The following EXOC4 variants were observed in gnomAD, a reference collection of about 807,000 sequenced individuals.
EXOC4 encodes SEC8-like 1.
EXOC4 carries 71 observed loss-of-function variants against 107.2 expected under a neutral mutation model. That is an observed-to-expected ratio of 0.66 (90% CI 0.55 to 0.81). The LOEUF is 0.81. EXOC4 is among the 30% of genes least tolerant of loss of function. The pLI is 0.00. For missense variants in EXOC4, 1,108 were observed against 1,189.6 expected (o/e 0.93, Z 1.01); for synonymous variants, 456 against 441.2 (o/e 1.03, Z -0.42).
intron 6 of EXOC4, among the ~76,000 whole-genome samples, chr7:133,366,356 A>T (rs566007165): frequency 6.6e-6 from 1 of 152,298 alleles, no homozygotes; most frequent in East Asian, 1.9e-4. Context: ...CTGGGAGAAT[A>T]AGTAACATTT....
At chr7:133,764,101 G>T (rs1388750355) in intron 10 of EXOC4, among the ~76,000 whole-genome samples, 4 of 152,060 alleles carry the variant, frequency 2.6e-5, no homozygotes, top group African/African-American at 9.7e-5. Flanking sequence ...TGAAGATGAG[G>T]TGAGGAATTA....
At chr7:133,300,229 A>G (rs1304689448) in intron 3 of EXOC4, among the ~76,000 whole-genome samples, 1 of 152,218 alleles carries the variant, frequency 6.6e-6, no homozygotes, top group Non-Finnish European at 1.5e-5. Context: ...AGAAAAAAGT[A>G]TTCTTGCTCC....
At chr7:133,978,682 G>A (rs1257370501) in intron 14 of EXOC4, among the ~76,000 whole-genome samples, 2 of 152,220 alleles carry the variant, frequency 1.3e-5, no homozygotes, top group South Asian at 4.1e-4. Context: ...AAATGCAGCC[G>A]GGGATTTCAC....
At chr7:134,067,630 T>TACACACAC (rs1491203303), downstream of EXOC4, among the ~76,000 whole-genome samples, 209 of 20,234 alleles carry the variant, frequency 0.01, 3 homozygotes, top group South Asian at 0.057. Flanking sequence ...AACTCTTATA[T>TACACACAC]ATATATATAC....
chr7:133,479,039 T>C (rs1799089572), intron 8 of EXOC4: 1 of 152,180 alleles, frequency 6.6e-6, no homozygotes, highest in African/African-American at 2.4e-5. Flanking sequence ...AAGAAAATGA[T>C]GGTGTGCCTG....
chr7:133,469,658 AC>A (rs1342031162), intron 7 of EXOC4, among the ~76,000 whole-genome samples: 1 of 152,210 alleles, frequency 6.6e-6, no homozygotes, highest in East Asian at 1.9e-4. Context: ...TATATTAGAT[AC>A]TATAAAGACA....
intron 11 of EXOC4, among the ~76,000 whole-genome samples, chr7:133,848,425 A>G (rs1798177403): frequency 6.6e-6 from 1 of 152,224 alleles, no homozygotes; most frequent in Non-Finnish European, 1.5e-5. Context: ...CTCAAGGGAC[A>G]TCATATTATG....
At chr7:133,581,081 G>A (rs549729657) in intron 9 of EXOC4, among the ~76,000 whole-genome samples, 5 of 152,286 alleles carry the variant, frequency 3.3e-5, no homozygotes, top group South Asian at 4.2e-4. Flanking sequence ...TACACACTGG[G>A]CCTGTGAAGA....
At chr7:133,571,666 CTT>C (rs1801026528) in intron 9 of EXOC4, among the ~76,000 whole-genome samples, 1 of 142,286 alleles carries the variant, frequency 7.0e-6, no homozygotes, top group Non-Finnish European at 1.5e-5. Context: ...CAGAGTGAGA[CTT>C]TGCCTCAAAG....
chr7:133,358,098 G>C (rs1267534800), intron 6 of EXOC4, among the ~76,000 whole-genome samples: 1 of 152,162 alleles, frequency 6.6e-6, no homozygotes, highest in East Asian at 1.9e-4. Flanking sequence ...TGAGGCACAA[G>C]AATTGCTTGA....
chr7:133,635,583 A>G (rs1802688382), intron 10 of EXOC4, among the ~76,000 whole-genome samples: 1 of 152,194 alleles, frequency 6.6e-6, no homozygotes, highest in African/African-American at 2.4e-5. Context: ...GTATATTGGT[A>G]GGAGCATTGC....
At chr7:133,741,585 G>A (rs1795566043) in intron 10 of EXOC4, among the ~76,000 whole-genome samples, 1 of 152,100 alleles carries the variant, frequency 6.6e-6, no homozygotes, top group Non-Finnish European at 1.5e-5. Context: ...GACATAGTTG[G>A]CACTCAGAAA....
chr7:133,301,644 A>G (rs1794643360), intron 3 of EXOC4, among the ~76,000 whole-genome samples: 1 of 152,198 alleles, frequency 6.6e-6, no homozygotes, highest in South Asian at 2.1e-4. Context: ...GTTAGCTACC[A>G]GATGGTTTAG....
At chr7:133,675,900 G>A (rs1412914148) in intron 10 of EXOC4, among the ~76,000 whole-genome samples, 1 of 152,110 alleles carries the variant, frequency 6.6e-6, no homozygotes, top group Non-Finnish European at 1.5e-5. Context: ...AAAATTCCCA[G>A]TGCACCATTT....
intron 3 of EXOC4, among the ~76,000 whole-genome samples, chr7:133,299,332 C>T (rs1794592118): frequency 6.6e-6 from 1 of 152,002 alleles, no homozygotes; most frequent in Non-Finnish European, 1.5e-5. Context: ...GTTTTCATCT[C>T]TCAGATACTG....
chr7:134,049,161 C>T (rs923731819), intron 17 of EXOC4, among the ~76,000 whole-genome samples: 9 of 152,192 alleles, frequency 5.9e-5, no homozygotes, highest in Non-Finnish European at 7.3e-5. Context: ...CACAATAAAA[C>T]ATGTAACCTT....
chr7:133,735,582 GTCT>G (rs770070723), intron 10 of EXOC4, among the ~76,000 whole-genome samples: 1 of 152,102 alleles, frequency 6.6e-6, no homozygotes, highest in Admixed American at 6.5e-5. Context: ...CCTCTGAAGA[GTCT>G]TCTTCTAGCA....
chr7:133,801,759 C>T (rs1286052681), intron 10 of EXOC4, among the ~76,000 whole-genome samples: 2 of 152,184 alleles, frequency 1.3e-5, no homozygotes, highest in African/African-American at 4.8e-5. Context: ...AATCTCAGAC[C>T]TTTCACAGTT....
intron 12 of EXOC4, among the ~76,000 whole-genome samples, chr7:133,897,506 G>A (rs1355106692): frequency 6.6e-6 from 1 of 151,870 alleles, no homozygotes; most frequent in Non-Finnish European, 1.5e-5. Context: ...AGCTACAATG[G>A]AATAATAAAA....
Sources: allele counts gnomAD v4.1 joint callset (sites outside exome capture counted in the v4.1 genomes callset), GRCh38; gene constraint gnomAD v4.1.1; transcripts MANE v1.5; gene names NCBI Gene and HGNC (gene_info 2026-07-23, HGNC 2026-07-21).